The following SLC5A8 variants were observed in gnomAD, a reference collection of about 807,000 sequenced individuals.
SLC5A8 encodes solute carrier family 5 member 8, also known as sodium-coupled monocarboxylate transporter 1.
SLC5A8 carries 55 observed loss-of-function variants against 71.9 expected under a neutral mutation model. That is an observed-to-expected ratio of 0.77 (90% confidence interval 0.62 to 0.96). SLC5A8 has a LOEUF of 0.96. Ranked by LOEUF, SLC5A8 falls within the 40% of genes least tolerant of loss-of-function variation. The pLI is 0.00. For missense variants in SLC5A8, 701 were observed against 745.3 expected, an observed-to-expected ratio of 0.94 and a Z score of 0.69; for synonymous variants, 307 against 276.1, an observed-to-expected ratio of 1.11 and a Z score of -1.11.
chr12:101,186,413 A>T (rs1868647705), intron 7 of SLC5A8, among the ~76,000 whole-genome samples: 1 of 152,200 alleles, frequency 6.6e-6, no homozygotes, highest in Admixed American at 6.5e-5. Flanking sequence ...ATCAACAGAA[A>T]TTCAATCTAT....
intron 1 of SLC5A8, among the ~76,000 whole-genome samples, chr12:101,206,949 A>G (rs937042790): frequency 2.0e-5 from 3 of 152,270 alleles, no homozygotes; most frequent in African/African-American, 7.2e-5. Context: ...TTTTCACTAA[A>G]GAAATGTCAA....
rs1029707561 is a variant in SLC5A8, at chr12:101,195,113, G to A, written c.519C>T (p.Cys173=). ...GACGTACCAGTGTGCAGTAGAATGT[G>A]CAGACCACCCCCGTTGCCACTACCG... ...WGAVVATGVV[C]TFYCTLGGLK... Residue 173 remains cysteine, a synonymous_variant, in exon 4 of 15, where the codon TGC becomes TGT. Coordinates refer to ENST00000536262, the MANE Select transcript of SLC5A8 (RefSeq NM_145913.5). 1.2e-6 allele frequency: 2 copies of A among 1,614,118 alleles called. No homozygotes were observed. The highest frequency in any genetic ancestry group is 1.7e-6 in the Non-Finnish European group (2 of 1,180,006).
At chr12:101,166,851 G>T in intron 11 of SLC5A8, 152 bp from the exon 12 acceptor site, 1 of 643,568 alleles carries the variant, frequency 1.6e-6, no homozygotes, top group Non-Finnish European at 2.6e-6. Flanking sequence ...ATAGTGCTCA[G>T]CCCATAAAAA....
Position 101,210,116 on chromosome 12 carries a change from C to T in SLC5A8, c.-268G>A. ...TCGACCCGCTGCCCTGAGTGCTCAC[C>T]ACGTGAGGAACTGGAGTGGCCGAGT... On this transcript the variant is annotated 5_prime_UTR_variant, in exon 1 of 15. Coordinates refer to ENST00000536262, the MANE Select transcript of SLC5A8 (RefSeq NM_145913.5). 2.3e-6 allele frequency: 1 copy of T among 439,172 alleles called. No homozygotes were observed. The highest frequency in any genetic ancestry group is 4.0e-6 in the Non-Finnish European group (1 of 251,596). The allele number at this position is 439,172 out of a possible 1,614,324, so 27.2% of individuals were successfully genotyped here.
At chr12:101,175,768 T>G (rs1034913722) in intron 10 of SLC5A8, among the ~76,000 whole-genome samples, 3 of 152,024 alleles carry the variant, frequency 2.0e-5, no homozygotes, top group African/African-American at 7.2e-5. Flanking sequence ...GAAAAAATAC[T>G]AGCAACTCAG....
intron 12 of SLC5A8, among the ~76,000 whole-genome samples, chr12:101,165,268 T>C (rs760758551): frequency 6.6e-6 from 1 of 152,224 alleles, no homozygotes; most frequent in Non-Finnish European, 1.5e-5. Context: ...CTTCAGCTAA[T>C]TTATTTGTTT....
intron 6 of SLC5A8, among the ~76,000 whole-genome samples, chr12:101,189,177 A>T (rs1358145484): frequency 6.6e-6 from 1 of 152,218 alleles, no homozygotes; most frequent in Admixed American, 6.5e-5. Context: ...GAGCTTGTCC[A>T]CAATTACTCT....
intron 4 of SLC5A8, among the ~76,000 whole-genome samples, chr12:101,194,670 T>C (rs1050039288): frequency 2.6e-5 from 4 of 151,908 alleles, no homozygotes; most frequent in Admixed American, 1.3e-4. Context: ...AGAGACAGAG[T>C]CTCACTTTGT....
chr12:101,187,452 G>A lies in SLC5A8; in HGVS notation c.897C>T (p.Leu299=), dbSNP rs147034851. ...AILTCSVFCG[L]ALYSRYHDCD... ...AGTCATGGTACCTGGAATATAGGGC[G>A]AGCCCACAAAACACTGAGCATGTGA... The change falls in exon 7 of 15, where the codon CTC becomes CTT. Residue 299 remains leucine (L), a synonymous_variant. Transcript: ENST00000536262. 371 of 1,613,870 alleles carry A rather than the reference G, an allele frequency of 2.3e-4. No homozygotes were observed. The East Asian group carries it at 5.8e-3, about 25-fold the overall frequency.
chr12:101,169,893 TGTAATA>T (rs2051811995), intron 10 of SLC5A8, among the ~76,000 whole-genome samples: 3 of 152,178 alleles, frequency 2.0e-5, no homozygotes, highest in Non-Finnish European at 4.4e-5. Flanking sequence ...AATAAATAAC[TGTAATA>T]CAGTTTGATA....
intron 11 of SLC5A8, among the ~76,000 whole-genome samples, chr12:101,167,010 T>C (rs559515568): frequency 6.7e-4 from 102 of 152,238 alleles, no homozygotes; most frequent in African/African-American, 2.3e-3. Flanking sequence ...AGATACTGTT[T>C]ATGGCAGGAA....
intron 10 of SLC5A8, among the ~76,000 whole-genome samples, chr12:101,177,343 C>T (rs1289964488): frequency 6.6e-6 from 1 of 151,864 alleles, no homozygotes; most frequent in Non-Finnish European, 1.5e-5. Context: ...AGAATTAGCA[C>T]TAATTTTAGA....
intron 10 of SLC5A8, 64 bp from the exon 11 acceptor site, chr12:101,168,246 C>A: frequency 2.1e-6 from 3 of 1,449,774 alleles, no homozygotes; most frequent in Non-Finnish European, 2.8e-6. Context: ...ATTTCAAAGT[C>A]ATTTCATCAG....
intron 1 of SLC5A8, among the ~76,000 whole-genome samples, chr12:101,208,341 C>T (rs1006997269): frequency 3.3e-5 from 5 of 152,180 alleles, no homozygotes; most frequent in Admixed American, 1.3e-4. Flanking sequence ...GCCCTGTCCC[C>T]AGCACCAGTT....
chr12:101,180,898 T>C (rs975527348), intron 9 of SLC5A8, among the ~76,000 whole-genome samples: 6 of 152,154 alleles, frequency 3.9e-5, no homozygotes, highest in Non-Finnish European at 8.8e-5. Context: ...GGTGGTCAGA[T>C]TGTGGAATAT....
intron 6 of SLC5A8, 21 bp from the exon 7 acceptor site, chr12:101,187,536 C>T: frequency 6.3e-7 from 1 of 1,581,530 alleles, no homozygotes; most frequent in South Asian, 1.2e-5. Context: ...GAAAACAAAC[C>T]AGCAAAAGAC....
chr12:101,196,017 T>G (rs547591562), intron 3 of SLC5A8, among the ~76,000 whole-genome samples: 8 of 152,284 alleles, frequency 5.3e-5, no homozygotes, highest in African/African-American at 1.7e-4. Context: ...TAAAAAACTT[T>G]TAAGTTCAGA....
intron 3 of SLC5A8, among the ~76,000 whole-genome samples, chr12:101,195,957 A>T (rs1342829672): frequency 6.6e-6 from 1 of 152,056 alleles, no homozygotes. Flanking sequence ...AGCCTCCCAA[A>T]GTGCTGGGAT....
chr12:101,181,234 A>G (rs2051929876), intron 9 of SLC5A8, among the ~76,000 whole-genome samples: 2 of 152,148 alleles, frequency 1.3e-5, no homozygotes. Context: ...AAGAGTTCTC[A>G]TTGCTATGAT....
Sources: gnomAD v4.1 joint callset for allele counts (sites outside exome capture counted in the v4.1 genomes callset) on GRCh38, gnomAD v4.1.1 for gene constraint, MANE v1.5 for transcripts, NCBI Gene and HGNC (gene_info 2026-07-23, HGNC 2026-07-21) for gene names.